The following ATF6 variants were observed in gnomAD, a reference collection of about 807,000 sequenced individuals.
ATF6 encodes the protein cyclic AMP-dependent transcription factor ATF-6 alpha.
ATF6 carries 53 observed loss-of-function variants against 83.6 expected under a neutral mutation model. That is an observed-to-expected ratio of 0.63 (90% CI 0.51 to 0.80). ATF6 has a LOEUF of 0.80. Among genes scored for constraint, ATF6 ranks in the 30% least tolerant of loss-of-function variants. ATF6 has a pLI of 0.00. For missense variants in ATF6, 744 were observed against 797.9 expected (o/e 0.93, Z 0.81); for synonymous variants, 288 against 285.8 (o/e 1.01, Z -0.08).
chr1:161,933,011 A>G (rs574980815), intron 15 of ATF6, among the ~76,000 whole-genome samples: 41 of 152,330 alleles, frequency 2.7e-4, no homozygotes, highest in African/African-American at 9.6e-4. Context: ...GATGGAAGCC[A>G]TAGTATCTTT....
rs549985782 is a variant in ATF6 at position 161,778,006 on chromosome 1, C to CA, written c.83-237dup. On this transcript the variant is annotated intron_variant, in intron 1 of 15. Transcript: ENST00000367942. ...CCAATTAGTCTTACATGACATATGA[C>CA]ATAAAACCTTTTTTGATCCCTGGTG... 1.3e-4 allele frequency among the ~76,000 whole-genome samples: 20 copies of CA among 152,278 alleles called. No individual in the cohort carries two copies. The South Asian group carries it at 3.9e-3, about 30-fold the overall frequency.
At chr1:161,818,835 G>A (rs145365814) in intron 7 of ATF6, among the ~76,000 whole-genome samples, 30 of 152,292 alleles carry the variant, frequency 2.0e-4, no homozygotes, top group African/African-American at 6.7e-4. Context: ...ATGGGTAGCA[G>A]GGATACATGA....
Position 161,792,156 on chromosome 1 carries a change from G to T in ATF6, c.517G>T (p.Val173Leu), listed in dbSNP as rs757040210. Reference protein sequence around the residue: ...NGLTPKKKIQVNSKPSIQPKP... With the variant: ...NGLTPKKKIQLNSKPSIQPKP... ...ACTGACTCCAAAGAAAAAAATTCAG[G>T]TGAATTCAAAACCTTCAATTCAGCC... is the stretch of plus-strand genomic sequence containing the variant. Residue 173 changes from valine (V) to leucine (L), a missense_variant, in exon 6 of 16, where the codon GTG (valine) becomes TTG (leucine). By Grantham distance (32) the Val-to-Leu change is conservative (BLOSUM62 1). Coordinates refer to ENST00000367942, the MANE Select transcript of ATF6 (RefSeq NM_007348.4). The T allele has an allele frequency of 6.2e-7, 1 of 1,613,954 alleles. No individual in the cohort carries two copies. The highest frequency in any genetic ancestry group is 1.1e-5 in the South Asian group (1 of 91,078).
At chr1:161,852,851 C>T (rs1433146360) in intron 11 of ATF6, among the ~76,000 whole-genome samples, 1 of 152,176 alleles carries the variant, frequency 6.6e-6, no homozygotes, top group Non-Finnish European at 1.5e-5. Context: ...CTCCTGGGCT[C>T]AAGCAGTCTT....
intron 4 of ATF6, among the ~76,000 whole-genome samples, chr1:161,789,390 C>A (rs903844809): frequency 4.6e-5 from 7 of 151,298 alleles, no homozygotes; most frequent in Non-Finnish European, 8.8e-5. Context: ...TTTTTGATCC[C>A]ACAAATAAGT....
At chr1:161,930,086 T>C (rs1688401625) in intron 15 of ATF6, among the ~76,000 whole-genome samples, 1 of 152,222 alleles carries the variant, frequency 6.6e-6, no homozygotes, top group Admixed American at 6.5e-5. Context: ...CCCCCTTGGC[T>C]CTAAAGTTCT....
intron 7 of ATF6, among the ~76,000 whole-genome samples, chr1:161,818,600 A>G (rs1280874535): frequency 6.6e-6 from 1 of 152,206 alleles, no homozygotes; most frequent in Non-Finnish European, 1.5e-5. Flanking sequence ...GGTGGGTTAG[A>G]ATAATTGAGT....
chr1:161,909,845 A>G (rs1433012060), intron 14 of ATF6, among the ~76,000 whole-genome samples: 1 of 152,064 alleles, frequency 6.6e-6, no homozygotes, highest in Non-Finnish European at 1.5e-5. Context: ...AGTCCCAGCT[A>G]CTCTGCAGGC....
chr1:161,920,790 A>G (rs1358160425), intron 15 of ATF6, among the ~76,000 whole-genome samples: 2 of 152,194 alleles, frequency 1.3e-5, no homozygotes, highest in Non-Finnish European at 2.9e-5. Context: ...ACAGGCAGAA[A>G]AAAGGAGGTG....
chr1:161,874,281 A>G (rs1344865293), intron 14 of ATF6, among the ~76,000 whole-genome samples: 6 of 151,724 alleles, frequency 4.0e-5, no homozygotes, highest in Middle Eastern at 3.4e-3. Context: ...TATGTATAAG[A>G]TGCCTGTTAT....
intron 12 of ATF6, among the ~76,000 whole-genome samples, 193 bp from the exon 13 acceptor site, chr1:161,860,014 A>T (rs911380126): frequency 6.6e-6 from 1 of 152,088 alleles, no homozygotes; most frequent in Non-Finnish European, 1.5e-5. Context: ...TAATCTCCAT[A>T]AGACACTTCT....
chr1:161,787,083 G>A (rs1684763460), intron 4 of ATF6, among the ~76,000 whole-genome samples: 1 of 152,180 alleles, frequency 6.6e-6, no homozygotes, highest in African/African-American at 2.4e-5. Context: ...CAGAAGTGCT[G>A]TCTGTGTCCA....
chr1:161,895,827 G>T (rs1254099111), intron 14 of ATF6, among the ~76,000 whole-genome samples: 1 of 152,148 alleles, frequency 6.6e-6, no homozygotes, highest in Non-Finnish European at 1.5e-5. Flanking sequence ...CTGATTAGAT[G>T]AACTGTTTCA....
At chr1:161,774,369 C>T (rs1010308664) in intron 1 of ATF6, among the ~76,000 whole-genome samples, 1 of 151,244 alleles carries the variant, frequency 6.6e-6, no homozygotes, top group Non-Finnish European at 1.5e-5. Flanking sequence ...ACAATAGTAG[C>T]AGTGGAGTAA....
chr1:161,890,186 A>G (rs1343850611), intron 14 of ATF6, among the ~76,000 whole-genome samples: 2 of 152,252 alleles, frequency 1.3e-5, no homozygotes, highest in Non-Finnish European at 1.5e-5. Flanking sequence ...TCTTTAATCT[A>G]CAGTCCAGAT....
At position 161,947,595 on chromosome 1, in the gene ATF6, T is replaced by C. The variant is rs530037752; in HGVS notation, c.1805-10851T>C. Among the ~76,000 whole-genome samples, 3 of 152,310 alleles carry C rather than the reference T, an allele frequency of 2.0e-5. No individual in the cohort carries two copies. The East Asian group carries it at 5.8e-4, about 29-fold the overall frequency. On this transcript the variant is annotated intron_variant, in intron 15 of 15. Coordinates refer to ENST00000367942, the MANE Select transcript of ATF6 (RefSeq NM_007348.4). ...AGTGTAATCATAGCAAGAGATGACT[T>C]GTCTATGTCCATTTTATAATAATTC... is the stretch of plus-strand genomic sequence containing the variant.
intron 14 of ATF6, among the ~76,000 whole-genome samples, chr1:161,888,545 C>A (rs1323077259): frequency 6.6e-6 from 1 of 151,940 alleles, no homozygotes; most frequent in Non-Finnish European, 1.5e-5. Flanking sequence ...AATTCTTTCC[C>A]CAGGTTAAAA....
At chr1:161,776,559 T>C (rs1350986579) in intron 1 of ATF6, among the ~76,000 whole-genome samples, 1 of 151,922 alleles carries the variant, frequency 6.6e-6, no homozygotes, top group East Asian at 1.9e-4. Context: ...TGACAGAATT[T>C]TCTGGTAGAT....
At chr1:161,892,105 T>A (rs534268435) in intron 14 of ATF6, 26 of 152,248 alleles carry the variant, frequency 1.7e-4, no homozygotes, top group Non-Finnish European at 2.9e-4. Flanking sequence ...TTTCTTTTTT[T>A]GCGAGGAACG....
Sources: allele counts gnomAD v4.1 joint callset (sites outside exome capture counted in the v4.1 genomes callset), GRCh38; gene constraint gnomAD v4.1.1; transcripts MANE v1.5; gene names NCBI Gene and HGNC (gene_info 2026-07-23, HGNC 2026-07-21).